PLPPR5: variants seen among roughly 807,000 people sequenced by gnomAD.
The protein encoded by PLPPR5 is phospholipid phosphatase-related protein type 5.
Under a neutral mutation model 33.9 loss-of-function variants are expected in PLPPR5, and 16 were observed. The ratio of observed to expected loss-of-function variants is 0.47; its 90% CI spans 0.32 to 0.72. The LOEUF is 0.72. Among genes scored for constraint, PLPPR5 ranks in the 30% least tolerant of loss-of-function variants. The probability of loss-of-function intolerance (pLI) is 0.03; values close to 1 mark genes in which losing one functional copy is unlikely to be tolerated. For missense variants in PLPPR5, 301 were observed against 406.7 expected, an observed-to-expected ratio of 0.74 and a Z score of 2.23; for synonymous variants, 163 against 150.3, an observed-to-expected ratio of 1.08 and a Z score of -0.62.
At chr1:98,981,159 T>G (rs1652050182) in intron 1 of PLPPR5, among the ~76,000 whole-genome samples, 1 of 152,184 alleles carries the variant, frequency 6.6e-6, no homozygotes, top group South Asian at 2.1e-4. Flanking sequence ...ATAGAATTAC[T>G]TGTGCGAGAG....
At chr1:98,928,372 G>A (rs2101171537) in intron 3 of PLPPR5, among the ~76,000 whole-genome samples, 1 of 151,820 alleles carries the variant, frequency 6.6e-6, no homozygotes, top group East Asian at 1.9e-4. Flanking sequence ...TTTTGCAAGT[G>A]TCAAACATAC....
At chr1:98,893,390 T>C (rs1648353888) in intron 5 of PLPPR5, among the ~76,000 whole-genome samples, 1 of 152,074 alleles carries the variant, frequency 6.6e-6, no homozygotes, top group Non-Finnish European at 1.5e-5. Flanking sequence ...CCAGACACGT[T>C]AATATTCTGT....
intron 1 of PLPPR5, among the ~76,000 whole-genome samples, chr1:99,001,705 T>TATATATATATATAG (rs1553173330): frequency 3.1e-5 from 4 of 129,152 alleles, no homozygotes; most frequent in African/African-American, 8.2e-5. Context: ...TATATATATA[T>TATATATATATATAG]GAAGCTTTAT....
At chr1:98,977,954 C>T (rs1428605528) in intron 1 of PLPPR5, among the ~76,000 whole-genome samples, 1 of 151,890 alleles carries the variant, frequency 6.6e-6, no homozygotes, top group African/African-American at 2.4e-5. Context: ...TTCAAAATGT[C>T]CATGCATAAT....
chr1:98,992,115 G>GAGAT (rs1652472650), intron 1 of PLPPR5, among the ~76,000 whole-genome samples: 2 of 152,142 alleles, frequency 1.3e-5, no homozygotes, highest in Admixed American at 1.3e-4. Context: ...AGTTATGAAA[G>GAGAT]AGATAGTATT....
At chr1:98,993,624 G>C (rs916631684) in intron 1 of PLPPR5, among the ~76,000 whole-genome samples, 1 of 151,920 alleles carries the variant, frequency 6.6e-6, no homozygotes, top group Non-Finnish European at 1.5e-5. Flanking sequence ...AATTTTAGGG[G>C]TTCATTTTAA....
At chr1:98,955,351 A>G (rs1231769690) in intron 2 of PLPPR5, among the ~76,000 whole-genome samples, 2 of 152,138 alleles carry the variant, frequency 1.3e-5, no homozygotes, top group Admixed American at 1.3e-4. Flanking sequence ...GTACAATGTA[A>G]TTTGCTTAAC....
At chr1:98,907,586 T>C (rs909899093) in intron 5 of PLPPR5, among the ~76,000 whole-genome samples, 1 of 152,218 alleles carries the variant, frequency 6.6e-6, no homozygotes, top group Non-Finnish European at 1.5e-5. Flanking sequence ...TAAGTTCTTG[T>C]CCTGATTATT....
intron 1 of PLPPR5, among the ~76,000 whole-genome samples, chr1:98,994,028 C>A (rs1405130572): frequency 6.6e-6 from 1 of 152,060 alleles, no homozygotes; most frequent in Non-Finnish European, 1.5e-5. Flanking sequence ...TTTATTTCCA[C>A]ATATTTCTTT....
At chr1:98,948,906 C>T (rs762445953) in intron 3 of PLPPR5, among the ~76,000 whole-genome samples, 2 of 152,094 alleles carry the variant, frequency 1.3e-5, no homozygotes, top group African/African-American at 2.4e-5. Context: ...TGCAGCAACA[C>T]GTAGCGGAAA....
Position 98,977,475 on chromosome 1 carries a change from C to G in PLPPR5, c.238-20734G>C, listed in dbSNP as rs181689541. The stretch of plus-strand genomic sequence containing the variant: ...TTCTCATTGGTTCTATGAATGTATG[C>G]TAATATATCTAGAATTTCTAACCTG... On this transcript the variant is annotated intron_variant, in intron 1 of 5. Transcript: ENST00000263177. Among the ~76,000 whole-genome samples, 5 of 150,244 alleles carry G rather than the reference C, an allele frequency of 3.3e-5. No individual in the cohort carries two copies. The East Asian group carries it at 9.8e-4, about 29-fold the overall frequency.
intron 5 of PLPPR5, among the ~76,000 whole-genome samples, chr1:98,910,733 G>A (rs779925324): frequency 2.6e-5 from 4 of 151,894 alleles, no homozygotes; most frequent in South Asian, 4.2e-4. Flanking sequence ...ACTAACACGC[G>A]CACATCACAC....
At chr1:98,977,687 T>C (rs766156725) in intron 1 of PLPPR5, among the ~76,000 whole-genome samples, 2 of 151,482 alleles carry the variant, frequency 1.3e-5, no homozygotes, top group Admixed American at 6.6e-5. Context: ...ACCTTCTTCC[T>C]GGTATGTTTT....
rs140552938 is a variant in PLPPR5, at chr1:98,976,362, A to T, written c.238-19621T>A. Among the ~76,000 whole-genome samples, 330 of 152,232 alleles carry T rather than the reference A, an allele frequency of 2.2e-3. 2 individuals carry two copies. The highest frequency in any genetic ancestry group is 6.0e-3 in the African/African-American group (249 of 41,570). The stretch of plus-strand genomic sequence containing the variant: ...TTGATGAAAAAGTGTTTTTACAAAA[A>T]GGTGATGTAAAAATCATGTTTGAAA... On this transcript the variant is annotated intron_variant, in intron 1 of 5. Transcript: ENST00000263177.
At position 99,004,444 on chromosome 1, in the gene PLPPR5, G is replaced by A. The variant is rs148163708; in HGVS notation, c.228C>T (p.Pro76=). 1.9e-6 allele frequency: 3 copies of A among 1,604,610 alleles called. No homozygotes were observed. Among genetic ancestry groups the A allele is most frequent in the South Asian group, 1.1e-5 (1 of 90,194 alleles). The change falls in exon 1 of 6, where the codon CCC becomes CCT. Residue 76 remains proline (P), a synonymous_variant. Transcript: ENST00000263177. ...VLLYSLAAGV[P]VLVIIVGETA... ...GCGCCCCCGGGCTTACCACGAGCAC[G>A]GGGACCCCGGCGGCCAGCGAGTAGA...
intron 1 of PLPPR5, among the ~76,000 whole-genome samples, chr1:99,000,637 C>T (rs1195758773): frequency 6.6e-6 from 1 of 152,184 alleles, no homozygotes; most frequent in Non-Finnish European, 1.5e-5. Flanking sequence ...ACCTTAAATA[C>T]CACCATCTTC....
At chr1:98,960,216 T>C (rs1050841883) in intron 1 of PLPPR5, among the ~76,000 whole-genome samples, 17 of 151,862 alleles carry the variant, frequency 1.1e-4, no homozygotes, top group Non-Finnish European at 1.8e-4. Context: ...TTATTATTAT[T>C]ATTTTGAGAT....
chr1:98,919,777 C>T (rs1051766330), intron 4 of PLPPR5, among the ~76,000 whole-genome samples: 1 of 152,126 alleles, frequency 6.6e-6, no homozygotes, highest in African/African-American at 2.4e-5. Context: ...ACAAATCTTA[C>T]GTAGGGTAAA....
intron 5 of PLPPR5, 102 bp from the exon 6 acceptor site, chr1:98,893,206 G>A (rs1416864367): frequency 7.6e-6 from 8 of 1,058,072 alleles, no homozygotes; most frequent in Non-Finnish European, 1.1e-5. Flanking sequence ...TATGCTGAAT[G>A]TTGAAGTTGC....
Sources: gnomAD v4.1 joint callset for allele counts (sites outside exome capture counted in the v4.1 genomes callset) on GRCh38, gnomAD v4.1.1 for gene constraint, MANE v1.5 for transcripts, NCBI Gene and HGNC (gene_info 2026-07-23, HGNC 2026-07-21) for gene names.